The following PLEC variants were observed in gnomAD, a reference collection of about 807,000 sequenced individuals.
PLEC encodes plectin, also known as hemidesmosomal protein 1.
Under a neutral mutation model 392.8 loss-of-function variants are expected in PLEC, and 216 were observed. The observed-to-expected ratio is 0.55, with a 90% CI of 0.49 to 0.62. The LOEUF (loss-of-function observed/expected upper bound fraction) is 0.62, where lower values mean the gene tolerates loss of function less well. Ranked by LOEUF, PLEC falls within the 20% of genes least tolerant of loss-of-function variation. The pLI, the probability that PLEC is intolerant of heterozygous loss-of-function variation, is 0.00. For missense variants in PLEC, 6,863 were observed against 6,563.4 expected, an observed-to-expected ratio of 1.05 and a Z score of -1.58; for synonymous variants, 3,621 against 2,980.6, an observed-to-expected ratio of 1.21 and a Z score of -7.00.
At chr8:143,939,622 G>A, upstream of PLEC, 2 of 1,451,108 alleles carry the variant, frequency 1.4e-6, no homozygotes, top group South Asian at 1.4e-5. Flanking sequence ...CTCCCTGCCT[G>A]CTGTACTCCC....
Position 143,931,986 on chromosome 8 carries a change from A to G in PLEC, c.2129T>C (p.Leu710Pro). The change falls in exon 18 of 32, where the codon CTG becomes CCG. Residue 710 changes from leucine (L) to proline (P), a missense_variant. Leu to Pro is a moderately conservative substitution (Grantham distance 98). Coordinates refer to ENST00000345136, the MANE Select transcript of PLEC (RefSeq NM_201384.3). ...LQTQWSWMLQ[L>P]CCCIEAHLKE... ...CAGGTGTGCCTCGATACAGCAGCAC[A>G]GCTGTAGCATCCAGCTCCACTGCGT... 1.2e-6 allele frequency: 2 copies of G among 1,608,046 alleles called. No homozygotes were observed. Among genetic ancestry groups the G allele is most frequent in the African/African-American group, 1.3e-5 (1 of 74,946 alleles).
chr8:143,950,338 C>T, exon 1 of PLEC: 2 of 1,579,836 alleles, frequency 1.3e-6, no homozygotes, highest in South Asian at 2.3e-5. Flanking sequence ...GTGGGGAGCC[C>T]AGGGGACCCT....
At chr8:143,948,223 G>C (rs1290005249) in intron 1 of PLEC, among the ~76,000 whole-genome samples, 2 of 152,264 alleles carry the variant, frequency 1.3e-5, no homozygotes, top group African/African-American at 4.8e-5. Context: ...CCAGGGCTGG[G>C]TGGAGAGGGG....
upstream of PLEC, chr8:143,973,659 T>C (rs2132994395): frequency 4.6e-6 from 2 of 437,778 alleles, no homozygotes; most frequent in Non-Finnish European, 6.1e-6. The surrounding 1 kb of genome is among the most constrained non-coding windows in gnomAD (Gnocchi z 5.6). Flanking sequence ...GAGCCGCGTC[T>C]GGGCCCCTCC....
In PLEC at chr8:143,973,262, G is replaced by T; in HGVS notation, c.70+141C>A. 1.0e-6 allele frequency: 1 copy of T among 959,990 alleles called. No homozygotes were observed. The highest frequency in any genetic ancestry group is 1.5e-6 in the Non-Finnish European group (1 of 683,062). 59.5% of individuals were successfully genotyped at this position (959,990 alleles called of 1,614,324 possible). A position where few individuals can be genotyped will look rare whatever the true frequency, so the allele number is the denominator to read the frequency against. On this transcript the variant is annotated intron_variant, in intron 1 of 31. Transcript: ENST00000356346. This position sits in a 1 kb window ranked among gnomAD's most constrained non-coding sequence, Gnocchi z 5.6. ...TCCCCTTCCCTAGGCACTGGCAGCC[G>T]TTGGGGGCGATCCAGGCGGACGAGG...
In PLEC at chr8:143,944,989, G is replaced by T. The variant is rs1398310475; in HGVS notation, c.523+5195C>A. Among the ~76,000 whole-genome samples, 5 of 150,660 alleles carry T rather than the reference G, an allele frequency of 3.3e-5. No individual in the cohort carries two copies. The East Asian group carries it at 7.7e-4, about 23-fold the overall frequency. On this transcript the variant is annotated intron_variant, in intron 1 of 31. Transcript: ENST00000322810. ...CTCGGTCCCCCAGCTCCCACAGGGGGTTCTAATATAATAGAGCAGGGCGCG... is the reference window on the plus strand; with the variant it reads ...CTCGGTCCCCCAGCTCCCACAGGGGTTTCTAATATAATAGAGCAGGGCGCG...
At chr8:143,950,799 C>A in exon 1 of PLEC, 1 of 1,512,458 alleles carries the variant, frequency 6.6e-7, no homozygotes, top group Admixed American at 2.0e-5. Context: ...TCCCGCGCTA[C>A]AGGGTGTGAC....
chr8:143,923,936 T>C lies in PLEC; in HGVS notation c.5993A>G (p.Glu1998Gly). 1 of 1,593,898 alleles carries C rather than the reference T, an allele frequency of 6.3e-7. No individual in the cohort carries two copies. Among genetic ancestry groups the C allele is most frequent in the African/African-American group, 1.3e-5 (1 of 74,758 alleles). ...ERVQKSLAAEEEAARQRKAAL... is the reference protein window; with the variant it reads ...ERVQKSLAAEGEAARQRKAAL... Reference sequence around the variant, plus strand: ...CGCCTTCCGCTGCCGTGCGGCCTCCTCCTCGGCCGCCAGGCTCTTCTGCAC... The same window carrying C: ...CGCCTTCCGCTGCCGTGCGGCCTCCCCCTCGGCCGCCAGGCTCTTCTGCAC... The change falls in exon 31 of 32, where the codon GAG becomes GGG. Residue 1998 changes from glutamate to glycine, a missense_variant. Physicochemically the swap from Glu to Gly is moderately conservative, Grantham distance 98. Coordinates refer to ENST00000345136, the MANE Select transcript of PLEC (RefSeq NM_201384.3).
chr8:143,917,536 C>T lies in PLEC; in HGVS notation c.12285G>A (p.Thr4095=), dbSNP rs200145450. 149 of 1,613,922 alleles carry T rather than the reference C, an allele frequency of 9.2e-5. 1 individual carries two copies. Among genetic ancestry groups the T allele is most frequent in the South Asian group, 2.9e-4 (26 of 91,082 alleles). The change falls in exon 32 of 32, where the codon ACG becomes ACA. Residue 4095 remains threonine (T), a synonymous_variant. Coordinates refer to ENST00000345136, the MANE Select transcript of PLEC (RefSeq NM_201384.3). ...DDTKGFFDPN[T]EENLTYLQLM... is the part of the protein sequence containing the mutation. ...GCTGCAGGTAGGTGAGGTTCTCCTC[C>T]GTGTTAGGGTCAAAGAAGCCCTTGG...
At chr8:143,953,879 G>A, upstream of PLEC, 1 of 1,534,386 alleles carries the variant, frequency 6.5e-7, no homozygotes, top group Non-Finnish European at 8.8e-7. Flanking sequence ...GGAGGTCCGG[G>A]GCAGGGCTTG....
chr8:143,970,385 G>T (rs577611100), intron 1 of PLEC, among the ~76,000 whole-genome samples: 1 of 152,038 alleles, frequency 6.6e-6, no homozygotes, highest in Non-Finnish European at 1.5e-5. Flanking sequence ...CGGCTGGGGC[G>T]ATCGCTGTGC....
Position 143,932,520 on chromosome 8 carries a change from G to A in PLEC, c.1857C>T (p.His619=). 2 of 1,612,664 alleles carry A rather than the reference G, an allele frequency of 1.2e-6. No individual in the cohort carries two copies. The highest frequency in any genetic ancestry group is 8.5e-7 in the Non-Finnish European group (1 of 1,179,958). Residue 619 remains histidine (H), a synonymous_variant, in exon 16 of 32, where the codon CAC becomes CAT. Coordinates refer to ENST00000345136, the MANE Select transcript of PLEC (RefSeq NM_201384.3). The part of the protein sequence containing the change: ...KARLRSLESL[H]SFVAAATKEL... ...CCTTAGTGGCGGCTGCCACAAAGCT[G>A]TGCAAGCTCTCCAGGGACCTGAGGC...
At chr8:143,943,925 TGC>T, upstream of PLEC, 1 of 1,603,766 alleles carries the variant, frequency 6.2e-7, no homozygotes, top group Non-Finnish European at 8.5e-7. Flanking sequence ...CTGCCCTTCC[TGC>T]GCTGGGAACC....
chr8:143,934,542 G>A (rs778937960), intron 10 of PLEC, 93 bp downstream of exon 10: 83 of 1,597,558 alleles, frequency 5.2e-5, no homozygotes, highest in Non-Finnish European at 6.6e-5. Context: ...GGACAGCCCT[G>A]GTCCCAAAGG....
At position 143,916,022 on chromosome 8, in the gene PLEC, G is replaced by A; in HGVS notation, c.*155C>T. 1.8e-6 allele frequency: 1 copy of A among 562,528 alleles called. No homozygotes were observed. Among genetic ancestry groups the A allele is most frequent in the Non-Finnish European group, 3.0e-6 (1 of 328,638 alleles). The allele number at this position is 562,528 out of a possible 1,614,324, so 34.8% of individuals were successfully genotyped here. A position where few individuals can be genotyped will look rare whatever the true frequency, so the allele number is the denominator to read the frequency against. ...TGTCCCCCAAGATACAGGCTGTCTG[G>A]ACAGCAGATATATATTAATATATTA... On this transcript the variant is annotated 3_prime_UTR_variant, in exon 32 of 32. Transcript: ENST00000345136.
chr8:143,926,044 A>C (rs1184223297), intron 30 of PLEC, among the ~76,000 whole-genome samples, 160 bp from the exon 31 acceptor site: 1 of 152,212 alleles, frequency 6.6e-6, no homozygotes, highest in Non-Finnish European at 1.5e-5. Flanking sequence ...GCACCCGCCC[A>C]GGGCGCTCGG....
rs1554701238 is a variant in PLEC at position 143,925,211 on chromosome 8, C to T, written c.4718G>A (p.Ser1573Asn). The T allele has an allele frequency of 7.6e-6, 12 of 1,588,016 alleles. No individual in the cohort carries two copies. The South Asian group carries it at 1.2e-4, about 16-fold the overall frequency. The change falls in exon 31 of 32, where the codon AGT (serine) becomes AAT (asparagine). Residue 1573 changes from serine to asparagine, a missense_variant. Physicochemically the swap from Ser to Asn is conservative, Grantham distance 46. Transcript: ENST00000345136. ...TTTGCTCTGCAGCTCCGCCTCTGCACTGCGCTGCGCCGTCTCCAGGGCCAC... is the reference window on the plus strand; with the variant it reads ...TTTGCTCTGCAGCTCCGCCTCTGCATTGCGCTGCGCCGTCTCCAGGGCCAC... ...VQVALETAQR[S>N]AEAELQSKRA...
rs566549191 is a variant in PLEC at position 143,935,914 on chromosome 8, C to G, written c.536G>C (p.Arg179Pro). Residue 179 changes from arginine (R) to proline (P), a missense_variant, in exon 6 of 32, where the codon CGA (arginine) becomes CCA (proline). Transcript: ENST00000345136. ...CCAGCTGGAGGTGAAGTTGTCGCATCGCAGGCCCTGGTACCCCTCCACCAT... is the reference window on the plus strand; with the variant it reads ...CCAGCTGGAGGTGAAGTTGTCGCATGGCAGGCCCTGGTACCCCTCCACCAT... ...QRMVEGYQGL[R>P]CDNFTSSWRD... The G allele has an allele frequency of 2.5e-6, 4 of 1,612,974 alleles. No individual in the cohort carries two copies. In the Admixed American group the frequency reaches 6.7e-5, roughly 27 times the overall value.
Position 143,969,882 on chromosome 8 carries a change from T to C in PLEC, c.70+3521A>G, listed in dbSNP as rs1193928002. Among the ~76,000 whole-genome samples, 1 of 148,404 alleles carries C rather than the reference T, an allele frequency of 6.7e-6. No homozygotes were observed. The highest frequency in any genetic ancestry group is 2.2e-4 in the South Asian group (1 of 4,646). On this transcript the variant is annotated intron_variant, in intron 1 of 31. Coordinates refer to the PLEC transcript ENST00000356346. The surrounding 1 kb of genome is among the most constrained non-coding windows in gnomAD (Gnocchi z 5.1). ...GAGTACCGTTGGTGAGTGGGTGGCG[T>C]TGGTGTGGGGCAGGGGCCAGGGGTG...
Sources: allele counts gnomAD v4.1 joint callset (sites outside exome capture counted in the v4.1 genomes callset), GRCh38; gene constraint gnomAD v4.1.1; non-coding constraint Gnocchi (gnomAD v3.1); transcripts MANE v1.5; gene names NCBI Gene and HGNC (gene_info 2026-07-23, HGNC 2026-07-21).